Variants in NAV2 observed in about 807,000 individuals in gnomAD.
The protein encoded by NAV2 is helicase, APC down-regulated 1.
A neutral mutation model predicts 223.2 loss-of-function variants in NAV2; 54 were observed. The observed-to-expected ratio is 0.24, with a 90% CI of 0.19 to 0.30. NAV2 has a LOEUF of 0.30. Ranked by LOEUF, NAV2 falls within the 10% of genes least tolerant of loss-of-function variation. The pLI, the probability that NAV2 is intolerant of heterozygous loss-of-function variation, is 1.00. For missense variants in NAV2, 2,806 were observed against 3,147.5 expected (o/e 0.89, Z 2.60); for synonymous variants, 1,279 against 1,239.3 (o/e 1.03, Z -0.67).
intron 11 of NAV2, among the ~76,000 whole-genome samples, chr11:19,990,261 G>C (rs975367302): frequency 6.6e-6 from 1 of 152,140 alleles, no homozygotes; most frequent in African/African-American, 2.4e-5. Context: ...TGCAATTTTT[G>C]TATTGTTAGT....
chr11:19,798,093 C>T (rs937998957), intron 1 of NAV2, among the ~76,000 whole-genome samples: 2 of 152,152 alleles, frequency 1.3e-5, no homozygotes, highest in South Asian at 4.2e-4. Flanking sequence ...ACATTCCAGA[C>T]CCACCCAGGA....
At chr11:19,385,485 T>C (rs1401768508) in intron 1 of NAV2, among the ~76,000 whole-genome samples, 1 of 152,204 alleles carries the variant, frequency 6.6e-6, no homozygotes, top group Non-Finnish European at 1.5e-5. Flanking sequence ...GATATATGTA[T>C]TATCTTACAA....
intron 19 of NAV2, among the ~76,000 whole-genome samples, chr11:20,056,996 CT>C (rs1564949849): frequency 1.3e-5 from 2 of 152,204 alleles, no homozygotes; most frequent in Non-Finnish European, 2.9e-5. Flanking sequence ...TCAGCATTGA[CT>C]TCCTGGCAGC....
chr11:19,632,602 G>T (rs1205022202), intron 1 of NAV2, among the ~76,000 whole-genome samples: 1 of 152,166 alleles, frequency 6.6e-6, no homozygotes, highest in African/African-American at 2.4e-5. Flanking sequence ...AGTTCAAAGA[G>T]GCTGATTCCT....
intron 31 of NAV2, among the ~76,000 whole-genome samples, chr11:20,098,294 A>G (rs903141514): frequency 9.9e-5 from 15 of 152,228 alleles, no homozygotes; most frequent in Admixed American, 2.0e-4. Context: ...CTGCCATGCA[A>G]TTCTGGGAAA....
In NAV2 at chr11:20,047,628, A is replaced by G. The variant is rs1451612226; in HGVS notation, c.3903-1100A>G. Among the ~76,000 whole-genome samples the G allele has an allele frequency of 2.0e-5, 3 of 152,224 alleles. No individual in the cohort carries two copies. In the East Asian group the frequency reaches 5.8e-4, roughly 29 times the overall value. ...AGTATGTAAGCATTCTAAAGCCAAG[A>G]TTCTACATTAGGATATTTCATTCCC... is the stretch of plus-strand genomic sequence containing the variant. On this transcript the variant is annotated intron_variant, in intron 14 of 37. Transcript: ENST00000349880.
chr11:19,690,124 G>A (rs1398109399), intron 1 of NAV2, among the ~76,000 whole-genome samples: 1 of 151,984 alleles, frequency 6.6e-6, no homozygotes, highest in Non-Finnish European at 1.5e-5. Context: ...CAACACGGCC[G>A]GCTAATTTTG....
At chr11:20,026,388 G>A (rs1281106638) in intron 11 of NAV2, among the ~76,000 whole-genome samples, 2 of 151,846 alleles carry the variant, frequency 1.3e-5, no homozygotes, top group Non-Finnish European at 2.9e-5. Flanking sequence ...TCGTCTCACC[G>A]CAAGCTCTGC....
chr11:19,986,435 C>T (rs931870451), intron 11 of NAV2, among the ~76,000 whole-genome samples: 6 of 152,174 alleles, frequency 3.9e-5, no homozygotes, highest in Non-Finnish European at 5.9e-5. Flanking sequence ...GCCTGGCAAA[C>T]ATGATGAAAC....
intron 10 of NAV2, among the ~76,000 whole-genome samples, chr11:19,983,509 G>A (rs143775114): frequency 7.2e-5 from 11 of 152,236 alleles, no homozygotes; most frequent in Non-Finnish European, 1.5e-4. Flanking sequence ...AAATTTCAGT[G>A]CACTTTCATA....
At chr11:20,100,277 A>T (rs2061538374) in intron 31 of NAV2, among the ~76,000 whole-genome samples, 1 of 152,174 alleles carries the variant, frequency 6.6e-6, no homozygotes, top group Non-Finnish European at 1.5e-5. Context: ...ATAAGTTTCC[A>T]CTTGATGTTG....
chr11:19,383,256 G>A (rs1414083220), intron 1 of NAV2, among the ~76,000 whole-genome samples: 1 of 152,148 alleles, frequency 6.6e-6, no homozygotes, highest in Non-Finnish European at 1.5e-5. Context: ...GAGCAGAAGA[G>A]CTGTCCACCA....
chr11:19,747,408 T>C (rs942730858), intron 1 of NAV2, among the ~76,000 whole-genome samples: 20 of 152,162 alleles, frequency 1.3e-4, no homozygotes, highest in Admixed American at 2.6e-4. Context: ...ACCTAATATA[T>C]AGCTGTGAAA....
intron 10 of NAV2, among the ~76,000 whole-genome samples, chr11:19,962,967 A>C (rs1157230579): frequency 2.0e-5 from 3 of 152,188 alleles, no homozygotes; most frequent in Admixed American, 6.5e-5. Context: ...CGAAATTAGA[A>C]AGCTCACATA....
At chr11:19,526,902 C>T (rs559092932) in intron 1 of NAV2, among the ~76,000 whole-genome samples, 1 of 152,320 alleles carries the variant, frequency 6.6e-6, no homozygotes, top group East Asian at 1.9e-4. Context: ...GGTAATTCTT[C>T]TTCATCCCAG....
intron 1 of NAV2, among the ~76,000 whole-genome samples, chr11:19,508,547 G>A (rs1564997736): frequency 1.3e-5 from 2 of 152,032 alleles, no homozygotes; most frequent in African/African-American, 2.4e-5. Flanking sequence ...ACTGTTGGGC[G>A]AGTTCCTAAT....
chr11:19,946,632 C>T lies in NAV2; in HGVS notation c.2255+123C>T, dbSNP rs758043258. On this transcript the variant is annotated intron_variant, in intron 9 of 37. Transcript: ENST00000349880. ...TCATAGCCTCGCTTTCCAAATGTGC[C>T]GGAATTCACAAAGAATGCCATATGA... 37 of 782,324 alleles carry T rather than the reference C, an allele frequency of 4.7e-5. No homozygotes were observed. In the Middle Eastern group the frequency reaches 8.7e-4, roughly 18 times the overall value. 48.5% of individuals were successfully genotyped at this position (782,324 alleles called of 1,614,324 possible). A position where few individuals can be genotyped will look rare whatever the true frequency, so the allele number is the denominator to read the frequency against.
chr11:19,506,005 A>T (rs968950467), intron 1 of NAV2: 5 of 152,308 alleles, frequency 3.3e-5, no homozygotes, highest in Non-Finnish European at 7.3e-5. Context: ...TCAGCATGAC[A>T]CGTGGGATTC....
intron 10 of NAV2, among the ~76,000 whole-genome samples, chr11:19,962,734 G>C (rs568005642): frequency 2.0e-5 from 3 of 152,320 alleles, no homozygotes; most frequent in Non-Finnish European, 4.4e-5. Context: ...GACACCTCCA[G>C]AGAGCTGATG....
Sources: gnomAD v4.1 joint callset for allele counts (sites outside exome capture counted in the v4.1 genomes callset) on GRCh38, gnomAD v4.1.1 for gene constraint, MANE v1.5 for transcripts, NCBI Gene and HGNC (gene_info 2026-07-23, HGNC 2026-07-21) for gene names.